Variants in XRN2 observed in about 807,000 individuals in gnomAD.
XRN2 encodes DHM1-like protein.
XRN2 carries 44 observed loss-of-function variants against 138.5 expected under a neutral mutation model. That is an observed-to-expected ratio of 0.32 (90% confidence interval 0.25 to 0.41). The LOEUF (loss-of-function observed/expected upper bound fraction) is 0.41, where lower values mean the gene tolerates loss of function less well. XRN2 is among the 10% of genes least tolerant of loss of function. The probability of loss-of-function intolerance (pLI) is 1.00; values close to 1 mark genes in which losing one functional copy is unlikely to be tolerated. For synonymous variants in XRN2, 354 were observed against 369.4 expected, an observed-to-expected ratio of 0.96 and a Z score of 0.48; for missense variants, 937 against 1,169.3, an observed-to-expected ratio of 0.80 and a Z score of 2.90.
At chr20:21,336,062 C>G (rs968779689) in intron 13 of XRN2, among the ~76,000 whole-genome samples, 20 of 152,206 alleles carry the variant, frequency 1.3e-4, no homozygotes, top group Non-Finnish European at 2.4e-4. Context: ...AGGGAGAGAT[C>G]CATAAGGTCC....
At chr20:21,329,340 G>C (rs1445956170) in intron 4 of XRN2, among the ~76,000 whole-genome samples, 1 of 152,170 alleles carries the variant, frequency 6.6e-6, no homozygotes, top group African/African-American at 2.4e-5. Flanking sequence ...TGCCAGTTGG[G>C]ACTGGTTCTC....
rs559843409 is a variant in XRN2, at chr20:21,303,342, C to G, written c.-57C>G. 421 of 1,533,654 alleles carry G rather than the reference C, an allele frequency of 2.7e-4. 4 individuals are homozygous for G. The South Asian group carries it at 4.1e-3, about 15-fold the overall frequency. On this transcript the variant is annotated 5_prime_UTR_variant, in exon 1 of 30. Transcript: ENST00000377191. ...TGCTGGTGCCCTCTGCCGCTGCTCC[C>G]GTCTCTTTGGTTACGCTCGTCAGCC...
At chr20:21,305,049 C>T (rs952070145) in intron 1 of XRN2, among the ~76,000 whole-genome samples, 2 of 152,056 alleles carry the variant, frequency 1.3e-5, no homozygotes, top group African/African-American at 2.4e-5. Flanking sequence ...TACATCTTGC[C>T]GCGCCCGGAC....
chr20:21,365,878 A>T (rs2038689692), intron 26 of XRN2, among the ~76,000 whole-genome samples, 174 bp downstream of exon 26: 1 of 84,346 alleles, frequency 1.2e-5, no homozygotes, highest in Non-Finnish European at 2.5e-5. Flanking sequence ...ATTATATATA[A>T]TATTATATAA....
rs181616325 is a variant in XRN2 at position 21,387,049 on chromosome 20, T to G, written c.2787+43T>G. 66 of 1,573,992 alleles carry G rather than the reference T, an allele frequency of 4.2e-5. No homozygotes were observed. In the African/African-American group the frequency reaches 8.2e-4, roughly 20 times the overall value. ...GAAAAGTATACTGCTCACTTTATAT[T>G]TCAACAAGCCTCACAGGACTCCGTA... On this transcript the variant is annotated intron_variant, in intron 29 of 29. Coordinates refer to ENST00000377191, the MANE Select transcript of XRN2 (RefSeq NM_012255.5).
At chr20:21,353,213 T>C (rs2038532041) in intron 20 of XRN2, among the ~76,000 whole-genome samples, 1 of 142,004 alleles carries the variant, frequency 7.0e-6, no homozygotes, top group Non-Finnish European at 1.5e-5. Context: ...TAAATAAATG[T>C]AGTGGGTAGG....
intron 24 of XRN2, among the ~76,000 whole-genome samples, chr20:21,364,525 G>A (rs754516819): frequency 2.0e-5 from 3 of 152,100 alleles, no homozygotes; most frequent in Non-Finnish European, 4.4e-5. Flanking sequence ...TAGTTATACT[G>A]TCCAGGCGCG....
At chr20:21,386,833 G>T (rs756656250) in intron 28 of XRN2, 35 bp from the exon 29 acceptor site, 1 of 1,595,516 alleles carries the variant, frequency 6.3e-7, no homozygotes, top group Admixed American at 1.7e-5. Context: ...TATAATAGGT[G>T]TGGCTTCTGA....
chr20:21,352,621 G>T (rs550780122), intron 20 of XRN2, among the ~76,000 whole-genome samples: 2 of 152,258 alleles, frequency 1.3e-5, no homozygotes, highest in Admixed American at 1.3e-4. Context: ...GTGAGCCACC[G>T]CACCCGGCCC....
intron 24 of XRN2, among the ~76,000 whole-genome samples, chr20:21,364,292 T>G (rs1424860828): frequency 6.6e-6 from 1 of 152,202 alleles, no homozygotes; most frequent in Non-Finnish European, 1.5e-5. Context: ...TTTTACAGTC[T>G]TTGAAACATT....
At chr20:21,321,605 A>G (rs1428645174) in intron 1 of XRN2, among the ~76,000 whole-genome samples, 3 of 151,998 alleles carry the variant, frequency 2.0e-5, no homozygotes, top group African/African-American at 7.3e-5. Flanking sequence ...GGCATGAGCC[A>G]CTGGGCCTCA....
intron 24 of XRN2, among the ~76,000 whole-genome samples, chr20:21,360,743 A>G (rs2038628404): frequency 1.3e-5 from 2 of 152,212 alleles, no homozygotes; most frequent in Admixed American, 6.5e-5. Flanking sequence ...TATGCTTGGC[A>G]AGCAGATAAC....
chr20:21,365,249 T>G (rs1347269931), intron 24 of XRN2, among the ~76,000 whole-genome samples, 172 bp from the exon 25 acceptor site: 1 of 152,174 alleles, frequency 6.6e-6, no homozygotes, highest in Non-Finnish European at 1.5e-5. Flanking sequence ...GAAGGTTATA[T>G]GTACCAGGAA....
At chr20:21,362,703 C>T (rs1230810321) in intron 24 of XRN2, among the ~76,000 whole-genome samples, 1 of 152,194 alleles carries the variant, frequency 6.6e-6, no homozygotes, top group African/African-American at 2.4e-5. Flanking sequence ...TTTCTTCCTG[C>T]CCCACTTCTG....
chr20:21,332,235 C>T (rs373184119), intron 8 of XRN2, 48 bp from the exon 9 acceptor site: 19 of 1,576,918 alleles, frequency 1.2e-5, no homozygotes, highest in Non-Finnish European at 1.5e-5. Flanking sequence ...GGTAAGACTT[C>T]TCTCAGAATA....
chr20:21,316,867 T>G (rs2037966310), intron 1 of XRN2, among the ~76,000 whole-genome samples: 1 of 152,246 alleles, frequency 6.6e-6, no homozygotes. Flanking sequence ...AGCCCTAGTT[T>G]TTTGATACTA....
Position 21,333,545 on chromosome 20 carries a change from A to C in XRN2, c.860A>C (p.His287Pro). The change falls in exon 10 of 30, where the codon CAT becomes CCT. Residue 287 changes from histidine (H) to proline (P), a missense_variant and splice_region_variant. His to Pro is a moderately conservative substitution (Grantham distance 77). Transcript: ENST00000377191. The part of the protein sequence containing the change: ...EGLPREKKGK[H>P]DELADSLPCA... ...TCATCTTCATTCCTGTTCTTGCAGC[A>C]TGATGAACTTGCCGATAGTCTTCCT... 6.2e-7 allele frequency: 1 copy of C among 1,612,620 alleles called. No homozygotes were observed.
chr20:21,340,140 C>G (rs2122232273), intron 14 of XRN2, among the ~76,000 whole-genome samples: 1 of 152,056 alleles, frequency 6.6e-6, no homozygotes, highest in African/African-American at 2.4e-5. Flanking sequence ...TGTATTTCCA[C>G]AAAAATTAGC....
intron 1 of XRN2, among the ~76,000 whole-genome samples, chr20:21,315,207 C>T (rs1456193102): frequency 6.6e-6 from 1 of 152,188 alleles, no homozygotes; most frequent in Non-Finnish European, 1.5e-5. Context: ...GGCAGTTCTT[C>T]CCTATTTCAG....
Sources: allele counts gnomAD v4.1 joint callset (sites outside exome capture counted in the v4.1 genomes callset), GRCh38; gene constraint gnomAD v4.1.1; transcripts MANE v1.5; gene names NCBI Gene and HGNC (gene_info 2026-07-23, HGNC 2026-07-21).